Variants in ACAP2 observed in about 807,000 individuals in gnomAD.
The protein encoded by ACAP2 is ArfGAP with coiled-coil, ankyrin repeat and PH domains 2.
Under a neutral mutation model 115.8 loss-of-function variants are expected in ACAP2, and 39 were observed. That is an observed-to-expected ratio of 0.34 (90% CI 0.26 to 0.44). The LOEUF (loss-of-function observed/expected upper bound fraction) is 0.44, where lower values mean the gene tolerates loss of function less well. Ranked by LOEUF, ACAP2 falls within the 20% of genes least tolerant of loss-of-function variation. The pLI is 1.00. For missense variants in ACAP2, 662 were observed against 927.6 expected, an observed-to-expected ratio of 0.71 and a Z score of 3.72; for synonymous variants, 289 against 315.8, an observed-to-expected ratio of 0.92 and a Z score of 0.90.
At chr3:195,330,607 A>G (rs1206130162) in intron 8 of ACAP2, among the ~76,000 whole-genome samples, 1 of 152,154 alleles carries the variant, frequency 6.6e-6, no homozygotes, top group Non-Finnish European at 1.5e-5. Context: ...TCTGGCTTAC[A>G]TGTCCTGTCT....
chr3:195,355,386 T>G (rs1560280082), intron 4 of ACAP2, among the ~76,000 whole-genome samples: 1 of 151,320 alleles, frequency 6.6e-6, no homozygotes, highest in Non-Finnish European at 1.5e-5. Context: ...CCTCAATTCA[T>G]CTACTGGTAT....
intron 2 of ACAP2, among the ~76,000 whole-genome samples, chr3:195,390,145 C>T (rs1734570118): frequency 6.6e-6 from 1 of 151,980 alleles, no homozygotes; most frequent in Non-Finnish European, 1.5e-5. Context: ...GCAAGTGAGC[C>T]GAGATCGCGC....
At chr3:195,376,047 T>C (rs1177322862) in intron 4 of ACAP2, among the ~76,000 whole-genome samples, 2 of 152,276 alleles carry the variant, frequency 1.3e-5, no homozygotes, top group Non-Finnish European at 2.9e-5. Flanking sequence ...TAGTAGAATG[T>C]AGCATACCTG....
At chr3:195,350,565 C>G (rs1361266841) in intron 4 of ACAP2, among the ~76,000 whole-genome samples, 1 of 151,334 alleles carries the variant, frequency 6.6e-6, no homozygotes, top group Non-Finnish European at 1.5e-5. Context: ...AGGAGGATTA[C>G]TTGAGCCCAG....
At chr3:195,396,485 T>TTCCTTATAAAA (rs982672384) in intron 1 of ACAP2, among the ~76,000 whole-genome samples, 2 of 151,948 alleles carry the variant, frequency 1.3e-5, no homozygotes, top group African/African-American at 4.8e-5. Context: ...ATAAAATTAT[T>TTCCTTATAAAA]TTAAAGAAAA....
chr3:195,278,620 AT>A lies in ACAP2; in HGVS notation c.*707del, dbSNP rs1423657615. 29 of 136,982 alleles carry A rather than the reference AT, an allele frequency of 2.1e-4. 1 individual carries two copies. The highest frequency in any genetic ancestry group is 7.2e-4 in the African/African-American group (26 of 36,174). The allele number at this position is 136,982 out of a possible 1,614,324, so 8.5% of individuals were successfully genotyped here. ...TTTTGAACTGGGGTTTTTTTTTGTG[AT>A]TAAAAAAAAAAAAGAGCTTCTTTTT... On this transcript the variant is annotated 3_prime_UTR_variant, in exon 23 of 23. Coordinates refer to ENST00000326793, the MANE Select transcript of ACAP2 (RefSeq NM_012287.6).
intron 1 of ACAP2, among the ~76,000 whole-genome samples, chr3:195,434,995 G>A (rs1310549836): frequency 1.3e-5 from 2 of 150,430 alleles, no homozygotes; most frequent in Non-Finnish European, 2.9e-5. Context: ...CTAAAGATGT[G>A]TCCATTTTGT....
At chr3:195,391,228 C>CTTTTTTTTTTTT (rs1186667963) in intron 2 of ACAP2, among the ~76,000 whole-genome samples, 1 of 129,892 alleles carries the variant, frequency 7.7e-6, no homozygotes. Context: ...GCTTCTCTTT[C>CTTTTTTTTTTTT]TTTTTTTTTT....
chr3:195,424,287 T>A (rs1427347611), intron 1 of ACAP2, among the ~76,000 whole-genome samples: 1,586 of 26,772 alleles, frequency 0.059, 4 homozygotes, highest in Non-Finnish European at 0.081. Flanking sequence ...ATATATATTT[T>A]TTTTTTTTTT....
intron 4 of ACAP2, among the ~76,000 whole-genome samples, chr3:195,368,001 T>A (rs1372466179): frequency 2.0e-5 from 3 of 152,242 alleles, no homozygotes; most frequent in African/African-American, 7.2e-5. Context: ...ACTGACAAGA[T>A]GTTGGTAGCC....
At chr3:195,358,815 G>A (rs1241385306) in intron 4 of ACAP2, among the ~76,000 whole-genome samples, 2 of 152,064 alleles carry the variant, frequency 1.3e-5, no homozygotes, top group African/African-American at 2.4e-5. Flanking sequence ...CTGAAACTGA[G>A]AGAAAGATAC....
intron 20 of ACAP2, among the ~76,000 whole-genome samples, chr3:195,290,876 AAT>A (rs2108921445): frequency 8.4e-6 from 1 of 118,848 alleles, no homozygotes; most frequent in African/African-American, 2.9e-5. Flanking sequence ...AATAAATAAA[AAT>A]AGCCAGACAC....
intron 11 of ACAP2, among the ~76,000 whole-genome samples, chr3:195,308,350 A>G (rs748379757): frequency 4.1e-5 from 6 of 147,350 alleles, no homozygotes; most frequent in Non-Finnish European, 7.5e-5. Context: ...AGTATGTTGT[A>G]TATTTCAAAA....
intron 13 of ACAP2, 27 bp from the exon 14 acceptor site, chr3:195,302,201 T>TA: frequency 1.9e-6 from 3 of 1,572,190 alleles, no homozygotes; most frequent in Non-Finnish European, 2.6e-6. Flanking sequence ...TTACTTGTTT[T>TA]TAAAAAAAAA....
At position 195,357,025 on chromosome 3, in the gene ACAP2, C is replaced by T. The variant is rs531074578; in HGVS notation, c.286-11708G>A. On this transcript the variant is annotated intron_variant, in intron 4 of 22. Coordinates refer to ENST00000326793, the MANE Select transcript of ACAP2 (RefSeq NM_012287.6). Reference sequence around the variant, plus strand: ...AGTTGGGAGGAGCACCAAGTGGGTTCGTAGGGTCCCTGATTCCAGAGAACA... The same window carrying T: ...AGTTGGGAGGAGCACCAAGTGGGTTTGTAGGGTCCCTGATTCCAGAGAACA... 1.4e-3 allele frequency among the ~76,000 whole-genome samples: 219 copies of T among 151,984 alleles called. 1 individual carries two copies. The highest frequency in any genetic ancestry group is 4.9e-3 in the African/African-American group (205 of 41,452).
At chr3:195,390,374 T>C (rs1212846924) in intron 2 of ACAP2, among the ~76,000 whole-genome samples, 4 of 152,242 alleles carry the variant, frequency 2.6e-5, no homozygotes, top group Middle Eastern at 3.4e-3. Flanking sequence ...CTACTATATA[T>C]TACAGGGCTT....
Position 195,408,893 on chromosome 3 carries a change from T to C in ACAP2, c.54-16746A>G, listed in dbSNP as rs74754033. Reference sequence around the variant, plus strand: ...ATGCATAAAAATCATACTGACAAAATTCTTTTTTTCATGATAAAAACACTT... The same window carrying C: ...ATGCATAAAAATCATACTGACAAAACTCTTTTTTTCATGATAAAAACACTT... On this transcript the variant is annotated intron_variant, in intron 1 of 22. Coordinates refer to ENST00000326793, the MANE Select transcript of ACAP2 (RefSeq NM_012287.6). 6.1e-3 allele frequency among the ~76,000 whole-genome samples: 932 copies of C among 152,166 alleles called. 71 individuals are homozygous for C. In the East Asian group the frequency reaches 0.14, roughly 23 times the overall value.
chr3:195,312,571 A>T (rs1174881111), intron 10 of ACAP2, among the ~76,000 whole-genome samples: 1 of 152,036 alleles, frequency 6.6e-6, no homozygotes, highest in African/African-American at 2.4e-5. Flanking sequence ...GGCTCAAGTG[A>T]TCCTCCCACC....
At chr3:195,363,919 G>A (rs900483503) in intron 4 of ACAP2, among the ~76,000 whole-genome samples, 4 of 152,148 alleles carry the variant, frequency 2.6e-5, no homozygotes, top group East Asian at 1.9e-4. Context: ...GCAGAAGAAC[G>A]AAACTAGAGC....
Sources: allele counts gnomAD v4.1 joint callset (sites outside exome capture counted in the v4.1 genomes callset), GRCh38; gene constraint gnomAD v4.1.1; transcripts MANE v1.5; gene names NCBI Gene and HGNC (gene_info 2026-07-23, HGNC 2026-07-21).